The following KCNMB2 variants were observed in gnomAD, a reference collection of about 807,000 sequenced individuals.
KCNMB2 encodes potassium calcium-activated channel subfamily M regulatory beta subunit 2.
A neutral mutation model predicts 24.5 loss-of-function variants in KCNMB2; 9 were observed. The ratio of observed to expected loss-of-function variants is 0.37; its 90% CI spans 0.22 to 0.64. The LOEUF (loss-of-function observed/expected upper bound fraction) is 0.64, where lower values mean the gene tolerates loss of function less well. KCNMB2 is among the 30% of genes least tolerant of loss of function. KCNMB2 has a pLI of 0.63. For synonymous variants in KCNMB2, 109 were observed against 104.4 expected, an observed-to-expected ratio of 1.04 and a Z score of -0.27; for missense variants, 226 against 284.3, an observed-to-expected ratio of 0.79 and a Z score of 1.47.
At chr3:178,614,247 T>TTATATATATATATATATATATATATATA (rs776751246) in intron 1 of KCNMB2, among the ~76,000 whole-genome samples, 18 of 53,464 alleles carry the variant, frequency 3.4e-4, no homozygotes, top group Non-Finnish European at 5.8e-4. Context: ...TGGGCTAATT[T>TTATATATATATATATATATATATATATA]TATATATATA....
chr3:178,828,361 A>C lies in KCNMB2; in HGVS notation c.411A>C (p.Lys137Asn), dbSNP rs1203239854. ...LLLYHTEETI[K>N]INQKCSYIPK... is the part of the protein sequence containing the mutation. Reference sequence around the variant, plus strand: ...TCTACCACACAGAAGAGACAATAAAAATCAATCAGAAGGTAGGAACTTGGC... The same window carrying C: ...TCTACCACACAGAAGAGACAATAAACATCAATCAGAAGGTAGGAACTTGGC... The change falls in exon 4 of 5, where the codon AAA becomes AAC. Residue 137 changes from lysine to asparagine, a missense_variant. By Grantham distance (94) the Lys-to-Asn change is moderately conservative. Transcript: ENST00000452583. The C allele has an allele frequency of 1.2e-6, 2 of 1,613,026 alleles. No homozygotes were observed.
rs113148565 is a variant in KCNMB2, at chr3:178,629,693, C to G, written c.-68+92982C>G. 1.1e-3 allele frequency among the ~76,000 whole-genome samples: 163 copies of G among 152,252 alleles called. 1 individual carries two copies. Among genetic ancestry groups the G allele is most frequent in the African/African-American group, 3.7e-3 (154 of 41,560 alleles). On this transcript the variant is annotated intron_variant, in intron 1 of 4. Coordinates refer to ENST00000452583, the MANE Select transcript of KCNMB2 (RefSeq NM_181361.3). The stretch of plus-strand genomic sequence containing the variant: ...TACACAAAGATCAATAAGACAAACT[C>G]CTTGACCTCAAATAAATACACAATA...
intron 4 of KCNMB2, among the ~76,000 whole-genome samples, chr3:178,840,687 A>G (rs1413945397): frequency 6.6e-6 from 1 of 152,220 alleles, no homozygotes; most frequent in Non-Finnish European, 1.5e-5. Context: ...TGAGCTGTAC[A>G]TTGACCCCTT....
intron 1 of KCNMB2, among the ~76,000 whole-genome samples, chr3:178,540,130 T>A (rs1255184617): frequency 6.6e-6 from 1 of 152,214 alleles, no homozygotes; most frequent in Non-Finnish European, 1.5e-5. Flanking sequence ...TTTTTCTCCA[T>A]CTGTGTAAAT....
chr3:178,776,957 C>T lies in KCNMB2; in HGVS notation c.-67-30386C>T, dbSNP rs147663082. 5.9e-5 allele frequency among the ~76,000 whole-genome samples: 9 copies of T among 152,180 alleles called. No homozygotes were observed. In the East Asian group the frequency reaches 1.7e-3, roughly 29 times the overall value. On this transcript the variant is annotated intron_variant, in intron 1 of 4. Transcript: ENST00000452583. ...AAAAATACCTATCTTATGGGGGTTT[C>T]CGGCAACTACATTAATTAAAATATA...
At chr3:178,621,075 T>C (rs1718904269) in intron 1 of KCNMB2, among the ~76,000 whole-genome samples, 2 of 152,184 alleles carry the variant, frequency 1.3e-5, no homozygotes, top group African/African-American at 4.8e-5. Flanking sequence ...TTTAGGACCT[T>C]AATTTGCCGG....
At chr3:178,680,095 C>T (rs1049821362) in intron 1 of KCNMB2, among the ~76,000 whole-genome samples, 1 of 152,084 alleles carries the variant, frequency 6.6e-6, no homozygotes, top group Non-Finnish European at 1.5e-5. Context: ...CTCTGGAGCA[C>T]CCCTCTGCGC....
At chr3:178,580,684 T>C (rs1358539210) in intron 1 of KCNMB2, among the ~76,000 whole-genome samples, 1 of 152,054 alleles carries the variant, frequency 6.6e-6, no homozygotes, top group African/African-American at 2.4e-5. Context: ...GGAGACAAAA[T>C]CAGTATGCAA....
At position 178,683,551 on chromosome 3, in the gene KCNMB2, C is replaced by A. The variant is rs113659600; in HGVS notation, c.-67-123792C>A. 1.7e-3 allele frequency among the ~76,000 whole-genome samples: 252 copies of A among 152,220 alleles called. 1 individual carries two copies. The highest frequency in any genetic ancestry group is 5.8e-3 in the African/African-American group (241 of 41,536). On this transcript the variant is annotated intron_variant, in intron 1 of 4. Coordinates refer to ENST00000452583, the MANE Select transcript of KCNMB2 (RefSeq NM_181361.3). ...TAGAAATTACTAATTAGATATTTTA[C>A]ATTCTTTTTATGCTAAGTCTTCACA... is the stretch of plus-strand genomic sequence containing the variant.
At chr3:178,685,009 G>C (rs550321880) in intron 1 of KCNMB2, among the ~76,000 whole-genome samples, 2 of 152,202 alleles carry the variant, frequency 1.3e-5, no homozygotes, top group South Asian at 4.2e-4. Context: ...TCTTTTATCT[G>C]TTTGGAAAGC....
chr3:178,771,988 C>T (rs773105276), intron 1 of KCNMB2, among the ~76,000 whole-genome samples: 2 of 152,146 alleles, frequency 1.3e-5, no homozygotes, highest in African/African-American at 2.4e-5. Context: ...CCTACTCACT[C>T]CATAGCTAAA....
At chr3:178,711,087 A>G (rs1259238707) in intron 1 of KCNMB2, among the ~76,000 whole-genome samples, 1 of 152,142 alleles carries the variant, frequency 6.6e-6, no homozygotes, top group Non-Finnish European at 1.5e-5. Flanking sequence ...TCTTTGCATC[A>G]ATTCTCATAA....
intron 1 of KCNMB2, among the ~76,000 whole-genome samples, chr3:178,702,435 A>AATAT (rs138867739): frequency 2.7e-5 from 4 of 150,688 alleles, no homozygotes; most frequent in East Asian, 1.9e-4. Flanking sequence ...AAGTATAATA[A>AATAT]ATATATATAT....
At chr3:178,601,201 G>C in intron 1 of KCNMB2, among the ~76,000 whole-genome samples, 1 of 148,858 alleles carries the variant, frequency 6.7e-6, no homozygotes, top group Non-Finnish European at 1.5e-5. Flanking sequence ...TCAGGGGGTT[G>C]GGGGGGAAGG....
At chr3:178,782,480 A>C (rs971103696) in intron 1 of KCNMB2, among the ~76,000 whole-genome samples, 1 of 151,700 alleles carries the variant, frequency 6.6e-6, no homozygotes. Flanking sequence ...AATGATTGCC[A>C]TTCTAACTGG....
chr3:178,550,145 C>A (rs2108453838), intron 1 of KCNMB2, among the ~76,000 whole-genome samples: 1 of 152,090 alleles, frequency 6.6e-6, no homozygotes, highest in South Asian at 2.1e-4. Flanking sequence ...TCTAATATTT[C>A]CTTTGTTAAA....
intron 1 of KCNMB2, among the ~76,000 whole-genome samples, chr3:178,759,624 T>G (rs1256302142): frequency 6.4e-5 from 8 of 124,740 alleles, no homozygotes; most frequent in Admixed American, 8.2e-5. Context: ...TACATATATC[T>G]CTCTCCAAGA....
intron 1 of KCNMB2, among the ~76,000 whole-genome samples, chr3:178,571,310 G>T (rs1716771532): frequency 6.6e-6 from 1 of 150,502 alleles, no homozygotes. Flanking sequence ...ACTCTGTTTT[G>T]AAACTGACAA....
intron 1 of KCNMB2, among the ~76,000 whole-genome samples, chr3:178,706,163 G>A (rs1451236825): frequency 6.6e-6 from 1 of 152,078 alleles, no homozygotes; most frequent in Non-Finnish European, 1.5e-5. Flanking sequence ...AGAGACAGAA[G>A]GTATTTATTT....
Sources: allele counts gnomAD v4.1 joint callset (sites outside exome capture counted in the v4.1 genomes callset), GRCh38; gene constraint gnomAD v4.1.1; transcripts MANE v1.5; gene names NCBI Gene and HGNC (gene_info 2026-07-23, HGNC 2026-07-21).